Variants in MICAL3 observed in about 807,000 individuals in gnomAD.
MICAL3 encodes microtubule associated monooxygenase, calponin and LIM domain containing 3, also known as [F-actin]-monooxygenase MICAL3.
MICAL3 carries 62 observed loss-of-function variants against 207.4 expected under a neutral mutation model. The observed-to-expected ratio is 0.30, with a 90% CI of 0.24 to 0.37. MICAL3 has a LOEUF of 0.37. Among genes scored for constraint, MICAL3 ranks in the 10% least tolerant of loss-of-function variants. MICAL3 has a pLI of 1.00. For synonymous variants in MICAL3, 1,077 were observed against 1,069.3 expected (o/e 1.01, Z -0.14); for missense variants, 2,368 against 2,635.6 (o/e 0.90, Z 2.22).
rs959861023 is a variant in MICAL3 at position 17,788,514 on chromosome 22, T to C, written c.*2218A>G. On this transcript the variant is annotated 3_prime_UTR_variant, in exon 32 of 32. Coordinates refer to ENST00000441493, the MANE Select transcript of MICAL3 (RefSeq NM_015241.3). ...CTCTGCCGGGGCTGGACCGGTTTTG[T>C]GGCATTCGAGGAGAGGTCTGGGAAA... is the stretch of plus-strand genomic sequence containing the variant. 4 of 152,258 alleles carry C rather than the reference T, an allele frequency of 2.6e-5. No homozygotes were observed. Among genetic ancestry groups the C allele is most frequent in the Admixed American group, 1.3e-4 (2 of 15,288 alleles). The allele number at this position is 152,258 out of a possible 1,614,324, so 9.4% of individuals were successfully genotyped here. A position where few individuals can be genotyped will look rare whatever the true frequency, so the allele number is the denominator to read the frequency against.
At chr22:17,831,116 C>A (rs1488618167) in intron 21 of MICAL3, among the ~76,000 whole-genome samples, 1 of 152,210 alleles carries the variant, frequency 6.6e-6, no homozygotes, top group Non-Finnish European at 1.5e-5. Flanking sequence ...AGGTCATGTC[C>A]TTCCTGCTCA....
intron 1 of MICAL3, among the ~76,000 whole-genome samples, chr22:18,014,854 G>T (rs369383119): frequency 2.2e-4 from 34 of 152,030 alleles, no homozygotes; most frequent in African/African-American, 7.5e-4. Context: ...TTAGCCAGGC[G>T]TGGTGGCGGG....
At chr22:17,994,942 C>A (rs1395754005) in intron 1 of MICAL3, among the ~76,000 whole-genome samples, 1 of 152,084 alleles carries the variant, frequency 6.6e-6, no homozygotes, top group Non-Finnish European at 1.5e-5. Context: ...TCAACAGACA[C>A]CTGCAGACGT....
intron 19 of MICAL3, among the ~76,000 whole-genome samples, chr22:17,857,077 G>A (rs1031496868): frequency 7.2e-5 from 11 of 152,160 alleles, no homozygotes; most frequent in African/African-American, 2.7e-4. Context: ...CCATAATCCT[G>A]TTAATCGATA....
At chr22:17,913,699 T>C (rs1368194917) in intron 1 of MICAL3, among the ~76,000 whole-genome samples, 3 of 152,196 alleles carry the variant, frequency 2.0e-5, no homozygotes, top group Non-Finnish European at 2.9e-5. Flanking sequence ...TTATGTTGTA[T>C]CTTTTCTAAT....
chr22:17,864,870 C>T, intron 19 of MICAL3, 29 bp downstream of exon 19: 1 of 1,613,908 alleles, frequency 6.2e-7, no homozygotes, highest in Non-Finnish European at 8.5e-7. Context: ...AGTGACGCGC[C>T]ACCCAGCCAA....
At chr22:17,877,862 C>T (rs8136765) in intron 16 of MICAL3, among the ~76,000 whole-genome samples, 22,538 of 149,754 alleles carry the variant, frequency 0.15, 2,037 homozygotes, top group Admixed American at 0.23. Flanking sequence ...TTTTTGAGAC[C>T]GAGTCTGATT....
intron 27 of MICAL3, chr22:17,811,372 T>C (rs1483027373): frequency 6.5e-6 from 1 of 153,008 alleles, no homozygotes; most frequent in Non-Finnish European, 1.5e-5. Flanking sequence ...TTCCAAGAAA[T>C]GACACCCAAG....
chr22:17,877,250 T>G (rs868386726), intron 16 of MICAL3, among the ~76,000 whole-genome samples: 68 of 109,690 alleles, frequency 6.2e-4, no homozygotes, highest in South Asian at 7.7e-4. Context: ...TTAGGGAGGT[T>G]AGGGAGGTTA....
intron 29 of MICAL3, among the ~76,000 whole-genome samples, chr22:17,800,424 C>G (rs532214251): frequency 6.6e-6 from 1 of 152,290 alleles, no homozygotes; most frequent in African/African-American, 2.4e-5. Context: ...GGGGACCCTT[C>G]CTCTCTGGTC....
chr22:17,966,998 TGTAA>T (rs1466894633), intron 1 of MICAL3, among the ~76,000 whole-genome samples: 19 of 152,318 alleles, frequency 1.2e-4, no homozygotes, highest in African/African-American at 4.6e-4. Context: ...AAGTCAAATC[TGTAA>T]GTACTTCCTG....
chr22:17,960,700 G>A (rs1193782443), intron 1 of MICAL3, among the ~76,000 whole-genome samples: 1 of 152,130 alleles, frequency 6.6e-6, no homozygotes, highest in Admixed American at 6.5e-5. Flanking sequence ...AGGGTGGGGG[G>A]AAGGAGGCAG....
At chr22:17,882,149 G>C (rs1929497072) in intron 16 of MICAL3, among the ~76,000 whole-genome samples, 1 of 152,158 alleles carries the variant, frequency 6.6e-6, no homozygotes, top group South Asian at 2.1e-4. Flanking sequence ...GCTGGTTAAT[G>C]CACAGAGCTT....
chr22:17,986,242 C>T (rs1243315791), intron 1 of MICAL3, among the ~76,000 whole-genome samples: 1 of 152,110 alleles, frequency 6.6e-6, no homozygotes, highest in African/African-American at 2.4e-5. Flanking sequence ...ATGACTGGTC[C>T]GGGCACAGTG....
rs1254452343 is a variant in MICAL3 at position 17,841,363 on chromosome 22, G to T, written c.2801+459C>A. 1 of 240,888 alleles carries T rather than the reference G, an allele frequency of 4.2e-6. No individual in the cohort carries two copies. The highest frequency in any genetic ancestry group is 2.2e-5 in the African/African-American group (1 of 45,694). The allele number at this position is 240,888 out of a possible 1,614,324, so 14.9% of individuals were successfully genotyped here. The stretch of plus-strand genomic sequence containing the variant: ...AAGCATGCATCCACTGGTGCTGCAT[G>T]CGGCCCCTGGGGCACACATTTTCAG... On this transcript the variant is annotated intron_variant, in intron 20 of 31. Transcript: ENST00000441493. This position sits in a 1 kb window ranked among gnomAD's most constrained non-coding sequence, Gnocchi z 4.2.
rs1452481172 is a variant in MICAL3, at chr22:17,789,783, T to C, written c.*949A>G. 3 of 152,244 alleles carry C rather than the reference T, an allele frequency of 2.0e-5. No homozygotes were observed. The highest frequency in any genetic ancestry group is 7.2e-5 in the African/African-American group (3 of 41,468). 9.4% of individuals were successfully genotyped at this position (152,244 alleles called of 1,614,324 possible). On this transcript the variant is annotated 3_prime_UTR_variant, in exon 32 of 32. Transcript: ENST00000441493. ...AGGTGATCAGTTCCTCTAGTAAAGA[T>C]ACACAAACGAAGTTACTTCTTTTCA...
intron 18 of MICAL3, among the ~76,000 whole-genome samples, chr22:17,865,479 G>A (rs538173741): frequency 1.6e-4 from 25 of 152,340 alleles, no homozygotes; most frequent in South Asian, 8.3e-4. Context: ...GAAAGGCCCC[G>A]CAGGCAGGGC....
Position 17,982,193 on chromosome 22 carries a change from C to T in MICAL3, c.-75+42088G>A, listed in dbSNP as rs192601230. On this transcript the variant is annotated intron_variant, in intron 1 of 31. Coordinates refer to ENST00000441493, the MANE Select transcript of MICAL3 (RefSeq NM_015241.3). The stretch of plus-strand genomic sequence containing the variant: ...TACTGAATTCCCAGCATTCAGTACA[C>T]GAAAGGTGGTGACGGCACTTGTGGA... 1.3e-3 allele frequency among the ~76,000 whole-genome samples: 195 copies of T among 152,268 alleles called. 1 individual carries two copies. Among genetic ancestry groups the T allele is most frequent in the African/African-American group, 4.4e-3 (184 of 41,546 alleles).
chr22:17,963,683 T>G (rs1352867927), intron 1 of MICAL3, among the ~76,000 whole-genome samples: 4 of 152,074 alleles, frequency 2.6e-5, no homozygotes, highest in Non-Finnish European at 5.9e-5. Context: ...CACCACAAAC[T>G]TCGCAAGTGG....
Sources: allele counts gnomAD v4.1 joint callset (sites outside exome capture counted in the v4.1 genomes callset), GRCh38; gene constraint gnomAD v4.1.1; non-coding constraint Gnocchi (gnomAD v3.1); transcripts MANE v1.5; gene names NCBI Gene and HGNC (gene_info 2026-07-23, HGNC 2026-07-21).